ADGRV1: variants seen among roughly 807,000 people sequenced by gnomAD.
ADGRV1 encodes G-protein coupled receptor 98.
A neutral mutation model predicts 596.2 loss-of-function variants in ADGRV1; 359 were observed. The observed-to-expected ratio is 0.60, with a 90% CI of 0.55 to 0.66. ADGRV1 has a LOEUF of 0.66. Among genes scored for constraint, ADGRV1 ranks in the 30% least tolerant of loss-of-function variants. The pLI is 0.00. For synonymous variants in ADGRV1, 2,681 were observed against 2,679.2 expected, an observed-to-expected ratio of 1.00 and a Z score of -0.02; for missense variants, 7,274 against 7,575.6, an observed-to-expected ratio of 0.96 and a Z score of 1.48.
chr5:90,615,489 T>G (rs775032872), intron 2 of ADGRV1, among the ~76,000 whole-genome samples: 11 of 151,928 alleles, frequency 7.2e-5, no homozygotes, highest in Non-Finnish European at 1.2e-4. Context: ...TTTGTTAAAC[T>G]ATTGATCTAT....
At chr5:90,732,941 A>G (rs376626858) in intron 50 of ADGRV1, among the ~76,000 whole-genome samples, 1 of 152,358 alleles carries the variant, frequency 6.6e-6, no homozygotes, top group East Asian at 1.9e-4. Context: ...ACTCAGCAGT[A>G]GTGAGATAGA....
chr5:90,778,305 G>T (rs1177151935), intron 62 of ADGRV1, 122 bp from the exon 63 acceptor site: 6 of 887,170 alleles, frequency 6.8e-6, no homozygotes, highest in African/African-American at 5.0e-5. Context: ...CTGTGTATGG[G>T]ATTAAGAGTG....
Position 90,629,513 on chromosome 5 carries a change from C to A in ADGRV1, c.1813C>A (p.Gln605Lys). 1 of 1,611,182 alleles carries A rather than the reference C, an allele frequency of 6.2e-7. No homozygotes were observed. The highest frequency in any genetic ancestry group is 1.1e-5 in the South Asian group (1 of 90,842). Residue 605 changes from glutamine to lysine, a missense_variant, in exon 9 of 90, where the codon CAA becomes AAA. Transcript: ENST00000405460. ...KLPIRNDAFL[Q>K]NGAHFLVQLE... ...ACCAATAAGAAATGATGCATTCCTTCAAAATGGAGCTCACTTTCTAGTACA... is the reference window on the plus strand; with the variant it reads ...ACCAATAAGAAATGATGCATTCCTTAAAAATGGAGCTCACTTTCTAGTACA...
intron 85 of ADGRV1, among the ~76,000 whole-genome samples, chr5:90,992,013 G>A (rs1353715312): frequency 6.6e-6 from 1 of 152,246 alleles, no homozygotes; most frequent in Non-Finnish European, 1.5e-5. Context: ...GCCTGTGGGT[G>A]CACATGCACA....
At chr5:90,842,307 GTAAT>G (rs1765502076) in intron 78 of ADGRV1, among the ~76,000 whole-genome samples, 1 of 152,120 alleles carries the variant, frequency 6.6e-6, no homozygotes, top group African/African-American at 2.4e-5. Flanking sequence ...ATGGGAAAAT[GTAAT>G]TAACTTTTTT....
intron 30 of ADGRV1, among the ~76,000 whole-genome samples, 157 bp from the exon 31 acceptor site, chr5:90,690,640 C>T (rs1561534513): frequency 6.6e-6 from 1 of 152,096 alleles, no homozygotes; most frequent in South Asian, 2.1e-4. Flanking sequence ...GCAGAGCAGA[C>T]CAATTTGTAT....
intron 87 of ADGRV1, among the ~76,000 whole-genome samples, chr5:91,129,061 G>T (rs1322337245): frequency 5.3e-5 from 8 of 152,160 alleles, no homozygotes; most frequent in Admixed American, 5.2e-4. Context: ...ACTTGTGGGT[G>T]TTTTAAGATC....
At chr5:91,028,740 T>TTTG (rs972782616) in intron 85 of ADGRV1, among the ~76,000 whole-genome samples, 5 of 148,392 alleles carry the variant, frequency 3.4e-5, no homozygotes, top group African/African-American at 1.2e-4. Context: ...CTGTTTTTTT[T>TTTG]TTTTTTTTTT....
intron 59 of ADGRV1, among the ~76,000 whole-genome samples, chr5:90,764,287 G>A (rs1756844390): frequency 6.6e-6 from 1 of 152,188 alleles, no homozygotes; most frequent in African/African-American, 2.4e-5. Flanking sequence ...CAACTCCAGG[G>A]CAAGCAACTT....
chr5:90,603,531 C>A (rs1461345835), intron 1 of ADGRV1, among the ~76,000 whole-genome samples: 1 of 152,134 alleles, frequency 6.6e-6, no homozygotes, highest in African/African-American at 2.4e-5. Flanking sequence ...CTCCCCTGGG[C>A]CTCATGACTA....
chr5:90,783,734 T>C (rs997528625), intron 66 of ADGRV1, 104 bp from the exon 67 acceptor site: 9 of 757,968 alleles, frequency 1.2e-5, no homozygotes, highest in Non-Finnish European at 6.4e-6. Flanking sequence ...GTGACTACTG[T>C]GCCTTGAATA....
In ADGRV1 at chr5:91,135,938, G is replaced by C. The variant is rs536764094; in HGVS notation, c.18433-14092G>C. On this transcript the variant is annotated intron_variant, in intron 87 of 89. Transcript: ENST00000405460. Reference sequence around the variant, plus strand: ...AAGTTGATACTTAACTGATAAGTAGGATTAGCAGGTAGTCAGGGAAGAGCA... The same window carrying C: ...AAGTTGATACTTAACTGATAAGTAGCATTAGCAGGTAGTCAGGGAAGAGCA... Among the ~76,000 whole-genome samples, 5 of 152,270 alleles carry C rather than the reference G, an allele frequency of 3.3e-5. No individual in the cohort carries two copies. In the South Asian group the frequency reaches 1.0e-3, roughly 32 times the overall value.
intron 1 of ADGRV1, among the ~76,000 whole-genome samples, chr5:90,578,796 A>G (rs1757573501): frequency 6.6e-6 from 1 of 152,080 alleles, no homozygotes; most frequent in Non-Finnish European, 1.5e-5. Flanking sequence ...AGAGCCTGTT[A>G]TTGGTCTATT....
rs367796501 is a variant in ADGRV1, at chr5:90,664,205, G to A, written c.4752+5927G>A. ...TTGAATCTGTAAATTACCTTGGGCA[G>A]TATGGCCATTTTCACGATATTGATT... On this transcript the variant is annotated intron_variant, in intron 21 of 89. Coordinates refer to ENST00000405460, the MANE Select transcript of ADGRV1 (RefSeq NM_032119.4). Among the ~76,000 whole-genome samples the A allele has an allele frequency of 1.3e-4, 19 of 147,098 alleles. No individual in the cohort carries two copies. In the East Asian group the frequency reaches 3.0e-3, roughly 23 times the overall value.
intron 11 of ADGRV1, among the ~76,000 whole-genome samples, chr5:90,639,780 A>G (rs934233435): frequency 6.6e-6 from 1 of 152,156 alleles, no homozygotes; most frequent in Non-Finnish European, 1.5e-5. Flanking sequence ...TAGATACTGT[A>G]TTTTATCAAA....
In ADGRV1 at chr5:90,817,682, A is replaced by G. The variant is rs1763035856; in HGVS notation, c.16196+1946A>G. Among the ~76,000 whole-genome samples, 4 of 152,074 alleles carry G rather than the reference A, an allele frequency of 2.6e-5. No homozygotes were observed. The South Asian group carries it at 6.2e-4, about 24-fold the overall frequency. On this transcript the variant is annotated intron_variant, in intron 75 of 89. Transcript: ENST00000405460. ...TTGTTAAATAGGGAATCCTTTCCCCATTGCTTGTTTTTCTCAGGTTTGTCA... is the reference window on the plus strand; with the variant it reads ...TTGTTAAATAGGGAATCCTTTCCCCGTTGCTTGTTTTTCTCAGGTTTGTCA...
At chr5:90,851,651 A>G (rs552658676) in intron 79 of ADGRV1, among the ~76,000 whole-genome samples, 4 of 152,090 alleles carry the variant, frequency 2.6e-5, no homozygotes, top group South Asian at 2.1e-4. Context: ...CTACATGTCA[A>G]TGTGGGAGTT....
intron 45 of ADGRV1, among the ~76,000 whole-genome samples, chr5:90,723,396 G>T (rs1238835324): frequency 6.6e-6 from 1 of 152,178 alleles, no homozygotes; most frequent in Non-Finnish European, 1.5e-5. Flanking sequence ...AAGACAAGCT[G>T]AGATGGGATC....
intron 64 of ADGRV1, chr5:90,781,052 A>G (rs1287548031): frequency 9.7e-6 from 2 of 206,122 alleles, no homozygotes; most frequent in Non-Finnish European, 2.0e-5. Flanking sequence ...CCGCCTGCTT[A>G]CTTACCTATC....
Sources: allele counts gnomAD v4.1 joint callset (sites outside exome capture counted in the v4.1 genomes callset), GRCh38; gene constraint gnomAD v4.1.1; transcripts MANE v1.5; gene names NCBI Gene and HGNC (gene_info 2026-07-23, HGNC 2026-07-21).